The following AGTPBP1 variants were observed in gnomAD, a reference collection of about 807,000 sequenced individuals.
AGTPBP1 encodes cytosolic carboxypeptidase 1.
Under a neutral mutation model 143.9 loss-of-function variants are expected in AGTPBP1, and 70 were observed. The observed-to-expected ratio is 0.49, with a 90% CI of 0.40 to 0.59. The LOEUF (loss-of-function observed/expected upper bound fraction) is 0.59, where lower values mean the gene tolerates loss of function less well. AGTPBP1 is among the 20% of genes least tolerant of loss of function. AGTPBP1 has a pLI of 0.00. For synonymous variants in AGTPBP1, 463 were observed against 500.2 expected (o/e 0.93, Z 0.99); for missense variants, 1,229 against 1,464.5 (o/e 0.84, Z 2.62).
the AGTPBP1 span, among the ~76,000 whole-genome samples, chr9:85,773,417 T>C: frequency 8.0e-6 from 1 of 125,052 alleles, no homozygotes; most frequent in Non-Finnish European, 1.6e-5. Flanking sequence ...CACTGCAGAC[T>C]CCGCCTCCCA....
the AGTPBP1 span, chr9:85,785,575 G>A: frequency 6.6e-6 from 1 of 152,642 alleles, no homozygotes; most frequent in Admixed American, 6.5e-5. Context: ...TCTCCATTTC[G>A]ATGACAGAAA....
intron 2 of AGTPBP1, among the ~76,000 whole-genome samples, chr9:85,695,482 GCA>G (rs1294589639): frequency 1.3e-5 from 2 of 152,140 alleles, no homozygotes; most frequent in African/African-American, 4.8e-5. Flanking sequence ...GTGGACATTT[GCA>G]CCGATGGTCC....
intron 25 of AGTPBP1, among the ~76,000 whole-genome samples, chr9:85,558,455 A>C (rs1282747600): frequency 1.3e-5 from 2 of 152,208 alleles, no homozygotes; most frequent in Non-Finnish European, 2.9e-5. Context: ...TGTTTGCTTT[A>C]AAATGGTTAA....
chr9:85,756,195 A>T, the AGTPBP1 span: 1 of 1,609,442 alleles, frequency 6.2e-7, no homozygotes, highest in South Asian at 1.1e-5. Context: ...TCTAAGAAGG[A>T]GGCTCTGTTA....
chr9:85,657,324 G>GC (rs1448340198), intron 10 of AGTPBP1, 111 bp downstream of exon 10: 133 of 958,942 alleles, frequency 1.4e-4, no homozygotes, highest in Admixed American at 2.1e-4. Flanking sequence ...TTCGAAAAAT[G>GC]CATTTATCCT....
intron 17 of AGTPBP1, among the ~76,000 whole-genome samples, chr9:85,612,741 T>C (rs1337319619): frequency 6.6e-6 from 1 of 152,024 alleles, no homozygotes; most frequent in Non-Finnish European, 1.5e-5. Context: ...CTCCAGGTAG[T>C]TTGTATCATA....
intron 8 of AGTPBP1, among the ~76,000 whole-genome samples, chr9:85,665,596 T>C (rs990266942): frequency 2.0e-5 from 3 of 152,218 alleles, no homozygotes; most frequent in African/African-American, 7.2e-5. Context: ...TATTCAAAAT[T>C]GTAAAAATCT....
Position 85,623,553 on chromosome 9 carries a change from C to T in AGTPBP1, c.2016-2268G>A, listed in dbSNP as rs536562085. Among the ~76,000 whole-genome samples, 11 of 151,988 alleles carry T rather than the reference C, an allele frequency of 7.2e-5. No individual in the cohort carries two copies. The East Asian group carries it at 7.8e-4, about 11-fold the overall frequency. On this transcript the variant is annotated intron_variant, in intron 14 of 25. Transcript: ENST00000357081. ...GAGGATCACGATGTGGTCAGGAGTTCGAGACCAGCCTGGCCAACATGGTGA... is the reference window on the plus strand; with the variant it reads ...GAGGATCACGATGTGGTCAGGAGTTTGAGACCAGCCTGGCCAACATGGTGA...
upstream of AGTPBP1, among the ~76,000 whole-genome samples, chr9:85,742,370 CATCA>C (rs762297682): frequency 3.6e-4 from 55 of 152,024 alleles, no homozygotes; most frequent in Non-Finnish European, 6.3e-4. Flanking sequence ...CCTCCCCCGC[CATCA>C]ATCAGTCACT....
At chr9:85,578,871 G>A (rs755474803) in intron 24 of AGTPBP1, 49 bp downstream of exon 24, 2 of 1,567,422 alleles carry the variant, frequency 1.3e-6, no homozygotes, top group Non-Finnish European at 1.7e-6. Context: ...ATATATGAAA[G>A]GAAAGTCTTC....
chr9:85,646,784 T>C (rs11141050), intron 11 of AGTPBP1, among the ~76,000 whole-genome samples: 3,574 of 152,318 alleles, frequency 0.023, 127 homozygotes, highest in African/African-American at 0.075. Flanking sequence ...GACAGTCATG[T>C]GCCACATACT....
At chr9:85,694,617 C>T (rs1381277102) in intron 2 of AGTPBP1, among the ~76,000 whole-genome samples, 1 of 152,116 alleles carries the variant, frequency 6.6e-6, no homozygotes, top group East Asian at 1.9e-4. Flanking sequence ...CTCCTCTTGC[C>T]CCTTCTTTGA....
intron 2 of AGTPBP1, among the ~76,000 whole-genome samples, chr9:85,697,401 T>TGATA (rs71505762): frequency 0.5 from 74,190 of 147,954 alleles, 21,436 homozygotes; most frequent in East Asian, 0.87. Context: ...TTAAATGAAT[T>TGATA]AATATTTGTA....
intron 1 of AGTPBP1, among the ~76,000 whole-genome samples, chr9:85,734,029 G>A (rs1167828153): frequency 7.9e-5 from 12 of 152,142 alleles, no homozygotes; most frequent in Non-Finnish European, 1.2e-4. Context: ...CAAGGTGGGC[G>A]GATCACAAGG....
intron 1 of AGTPBP1, among the ~76,000 whole-genome samples, chr9:85,728,967 A>C (rs1183289021): frequency 6.6e-6 from 1 of 152,190 alleles, no homozygotes; most frequent in African/African-American, 2.4e-5. Context: ...TTGTACTTTT[A>C]ATTAAAAGTA....
intron 14 of AGTPBP1, among the ~76,000 whole-genome samples, chr9:85,622,202 T>C (rs1830978417): frequency 6.6e-6 from 1 of 152,190 alleles, no homozygotes; most frequent in African/African-American, 2.4e-5. Flanking sequence ...CAGCTAAAGA[T>C]AAGTAATGCA....
intron 18 of AGTPBP1, among the ~76,000 whole-genome samples, chr9:85,595,636 C>T (rs1469115555): frequency 6.6e-6 from 1 of 152,186 alleles, no homozygotes; most frequent in African/African-American, 2.4e-5. Flanking sequence ...AAGCGATTCT[C>T]TTCCCTCAGC....
At chr9:85,629,887 C>T (rs1831545626) in intron 14 of AGTPBP1, among the ~76,000 whole-genome samples, 1 of 152,132 alleles carries the variant, frequency 6.6e-6, no homozygotes, top group African/African-American at 2.4e-5. Context: ...AAGAGGGTTC[C>T]TTTGTAGTTA....
At position 85,681,196 on chromosome 9, in the gene AGTPBP1, C is replaced by G. The variant is rs972378509; in HGVS notation, c.225+72G>C. 5.2e-6 allele frequency: 7 copies of G among 1,344,210 alleles called. No individual in the cohort carries two copies. The African/African-American group carries it at 1.0e-4, about 19-fold the overall frequency. 83.3% of individuals were successfully genotyped at this position (1,344,210 alleles called of 1,614,324 possible). On this transcript the variant is annotated intron_variant, in intron 4 of 25. Coordinates refer to ENST00000357081, the MANE Select transcript of AGTPBP1 (RefSeq NM_001330701.2). ...GTGTTTCTGTGTGTATTTATACACA[C>G]ACATACGCTTTTTCTTCTTCAGTAT... is the stretch of plus-strand genomic sequence containing the variant.
Sources: allele counts gnomAD v4.1 joint callset (sites outside exome capture counted in the v4.1 genomes callset), GRCh38; gene constraint gnomAD v4.1.1; transcripts MANE v1.5; gene names NCBI Gene and HGNC (gene_info 2026-07-23, HGNC 2026-07-21).